The following COL25A1 variants were observed in gnomAD, a reference collection of about 807,000 sequenced individuals.
COL25A1 encodes the protein collagen type XXV alpha 1 chain, also known as collagen alpha-1(XXV) chain.
In COL25A1, 103 loss-of-function variants were observed where a neutral mutation model predicts 128.4. The observed-to-expected ratio is 0.80, with a 90% CI of 0.68 to 0.94. The LOEUF is 0.94. Ranked by LOEUF, COL25A1 falls within the 40% of genes least tolerant of loss-of-function variation. The probability of loss-of-function intolerance (pLI) is 0.00; values close to 1 mark genes in which losing one functional copy is unlikely to be tolerated. For synonymous variants in COL25A1, 279 were observed against 277.2 expected, an observed-to-expected ratio of 1.01 and a Z score of -0.06; for missense variants, 745 against 840.0, an observed-to-expected ratio of 0.89 and a Z score of 1.40.
At chr4:109,093,632 C>T (rs573353886) in intron 3 of COL25A1, among the ~76,000 whole-genome samples, 21 of 151,756 alleles carry the variant, frequency 1.4e-4, no homozygotes, top group Non-Finnish European at 2.8e-4. Flanking sequence ...CAAAGCAAGA[C>T]CCTATCTCTT....
intron 3 of COL25A1, among the ~76,000 whole-genome samples, chr4:109,208,912 C>G (rs1777263826): frequency 2.0e-5 from 3 of 152,208 alleles, no homozygotes; most frequent in Admixed American, 6.6e-5. Flanking sequence ...TTACACTTAT[C>G]TACCTCCTGC....
chr4:109,156,917 C>A (rs1482223537), intron 3 of COL25A1, among the ~76,000 whole-genome samples: 1 of 152,184 alleles, frequency 6.6e-6, no homozygotes, highest in African/African-American at 2.4e-5. Flanking sequence ...TCAAGAGCCA[C>A]TTTTCTAGAT....
chr4:109,154,540 G>T (rs1160473533), intron 3 of COL25A1, among the ~76,000 whole-genome samples: 1 of 152,172 alleles, frequency 6.6e-6, no homozygotes, highest in Non-Finnish European at 1.5e-5. Flanking sequence ...GTGACTGTTG[G>T]GTCAGGTCTG....
At chr4:109,260,854 A>T (rs1467207298) in intron 3 of COL25A1, among the ~76,000 whole-genome samples, 1 of 152,164 alleles carries the variant, frequency 6.6e-6, no homozygotes, top group East Asian at 1.9e-4. Context: ...CAGGAGGAAA[A>T]AAAACAATAT....
chr4:109,113,146 T>C (rs920570030), intron 3 of COL25A1, among the ~76,000 whole-genome samples: 1 of 152,116 alleles, frequency 6.6e-6, no homozygotes, highest in East Asian at 1.9e-4. Context: ...ATGTGAATAA[T>C]CTCTTCTTCT....
At chr4:109,024,302 CTG>C (rs1206558697) in intron 5 of COL25A1, among the ~76,000 whole-genome samples, 1 of 152,068 alleles carries the variant, frequency 6.6e-6, no homozygotes, top group African/African-American at 2.4e-5. Context: ...CTGTAAATAT[CTG>C]ACTATTTCTT....
At chr4:109,287,321 C>T (rs1723984199) in intron 3 of COL25A1, among the ~76,000 whole-genome samples, 1 of 152,072 alleles carries the variant, frequency 6.6e-6, no homozygotes, top group Non-Finnish European at 1.5e-5. Flanking sequence ...TTTCCCTAAA[C>T]AGTCAGGCAT....
chr4:109,271,898 T>G lies in COL25A1; in HGVS notation c.367+28685A>C, dbSNP rs76282751. On this transcript the variant is annotated intron_variant, in intron 3 of 37. Transcript: ENST00000399132. ...TATTGTAAGTGGTATTTTCAGTAAA[T>G]TCTCATTCAACTTGTTATAAAGTGC... Among the ~76,000 whole-genome samples the G allele has an allele frequency of 3.3e-5, 5 of 152,334 alleles. No individual in the cohort carries two copies. In the East Asian group the frequency reaches 9.6e-4, roughly 29 times the overall value.
intron 3 of COL25A1, among the ~76,000 whole-genome samples, chr4:109,277,228 T>G (rs1026694257): frequency 6.6e-6 from 1 of 152,174 alleles, no homozygotes; most frequent in East Asian, 1.9e-4. Context: ...CTAAAAGGGA[T>G]GATTAAAAAC....
At chr4:108,832,961 C>T (rs979251469) in intron 31 of COL25A1, among the ~76,000 whole-genome samples, 56 of 3,654 alleles carry the variant, frequency 0.015, no homozygotes, top group African/African-American at 0.04. Context: ...AGCGAGACTC[C>T]GTCTCAAAAA....
chr4:109,268,278 G>T (rs1339811570), intron 3 of COL25A1, among the ~76,000 whole-genome samples: 1 of 152,128 alleles, frequency 6.6e-6, no homozygotes, highest in Non-Finnish European at 1.5e-5. Context: ...CTTTTCAGGA[G>T]ACTATTAAAA....
intron 35 of COL25A1, among the ~76,000 whole-genome samples, chr4:108,822,772 G>A (rs891931871): frequency 2.0e-5 from 3 of 152,108 alleles, no homozygotes; most frequent in African/African-American, 4.8e-5. Flanking sequence ...AAGCTTATAT[G>A]CACAATTTAT....
chr4:108,918,518 T>A (rs768249790), intron 12 of COL25A1, among the ~76,000 whole-genome samples: 32 of 152,250 alleles, frequency 2.1e-4, no homozygotes, highest in Non-Finnish European at 3.2e-4. Context: ...ATTTTCATGT[T>A]TTTAAGAATA....
At chr4:108,896,795 C>A in intron 15 of COL25A1, 84 bp from the exon 16 acceptor site, 1 of 1,184,640 alleles carries the variant, frequency 8.4e-7, no homozygotes, top group South Asian at 1.2e-5. Flanking sequence ...AGCTTTCTTT[C>A]ATGAACACTA....
At chr4:109,156,164 C>T (rs1003269542) in intron 3 of COL25A1, among the ~76,000 whole-genome samples, 49 of 152,296 alleles carry the variant, frequency 3.2e-4, no homozygotes, top group African/African-American at 1.1e-3. Flanking sequence ...GCCATTTAGA[C>T]ATGGTGCTTT....
rs767980937 is a variant in COL25A1, at chr4:108,996,458, C to G, written c.438+13900G>C. Reference sequence around the variant, plus strand: ...ATATATGCACCCAATAGAGGAGCACCCAGATTCATAAAGCACATCCTTAGA... The same window carrying G: ...ATATATGCACCCAATAGAGGAGCACGCAGATTCATAAAGCACATCCTTAGA... On this transcript the variant is annotated intron_variant, in intron 6 of 37. Transcript: ENST00000399132. 6.2e-4 allele frequency among the ~76,000 whole-genome samples: 94 copies of G among 152,104 alleles called. 1 individual carries two copies. Among genetic ancestry groups the G allele is most frequent in the Middle Eastern group, 3.4e-3 (1 of 294 alleles).
At position 109,277,332 on chromosome 4, in the gene COL25A1, T is replaced by C. The variant is rs187031555; in HGVS notation, c.367+23251A>G. Among the ~76,000 whole-genome samples, 20 of 152,266 alleles carry C rather than the reference T, an allele frequency of 1.3e-4. No homozygotes were observed. The East Asian group carries it at 3.5e-3, about 26-fold the overall frequency. ...TATAAAGTCCATTATTATCCATATA[T>C]TCATACTAATTTAGAGCTTTTGTTA... On this transcript the variant is annotated intron_variant, in intron 3 of 37. Transcript: ENST00000399132.
chr4:109,141,524 T>G (rs562112862), intron 3 of COL25A1, among the ~76,000 whole-genome samples: 59 of 152,328 alleles, frequency 3.9e-4, no homozygotes, highest in Admixed American at 7.2e-4. Flanking sequence ...AGCTCCTCTT[T>G]GTACCTCTGG....
chr4:108,905,855 G>A (rs997688489), intron 13 of COL25A1, among the ~76,000 whole-genome samples: 1 of 151,338 alleles, frequency 6.6e-6, no homozygotes, highest in Non-Finnish European at 1.5e-5. Flanking sequence ...TATGTCGGGG[G>A]GGGGTGCGGG....
Sources: gnomAD v4.1 joint callset for allele counts (sites outside exome capture counted in the v4.1 genomes callset) on GRCh38, gnomAD v4.1.1 for gene constraint, MANE v1.5 for transcripts, NCBI Gene and HGNC (gene_info 2026-07-23, HGNC 2026-07-21) for gene names.